Variants in CUEDC1 observed in about 807,000 individuals in gnomAD.
The protein encoded by CUEDC1 is CUE domain containing 1, also known as CUE domain-containing protein 1.
In CUEDC1, 30 loss-of-function variants were observed where a neutral mutation model predicts 43.7. The observed-to-expected ratio is 0.69, with a 90% confidence interval of 0.51 to 0.93. CUEDC1 has a LOEUF of 0.93. Among genes scored for constraint, CUEDC1 ranks in the 40% least tolerant of loss-of-function variants. CUEDC1 has a pLI of 0.00. For synonymous variants in CUEDC1, 223 were observed against 223.6 expected (o/e 1.00, Z 0.02); for missense variants, 486 against 549.0 (o/e 0.89, Z 1.15).
intron 1 of CUEDC1, among the ~76,000 whole-genome samples, chr17:57,922,141 G>GAA (rs35919243): frequency 1.3e-5 from 2 of 152,066 alleles, no homozygotes; most frequent in African/African-American, 4.8e-5. Context: ...CAGATCTGCA[G>GAA]AAAAAGCAGC....
At chr17:57,881,072 C>A (rs767716083) in intron 2 of CUEDC1, among the ~76,000 whole-genome samples, 4 of 152,240 alleles carry the variant, frequency 2.6e-5, no homozygotes, top group African/African-American at 4.8e-5. Flanking sequence ...CTGGGCCAGG[C>A]CTCACTGGTA....
At chr17:57,873,839 T>C (rs2074072077) in intron 3 of CUEDC1, 122 bp from the exon 4 acceptor site, 1 of 1,043,178 alleles carries the variant, frequency 9.6e-7, no homozygotes, top group Admixed American at 3.1e-5. Context: ...TGGCCTCCAC[T>C]GCCTCCAGAA....
intron 1 of CUEDC1, among the ~76,000 whole-genome samples, chr17:57,907,179 A>G (rs896133553): frequency 2.0e-5 from 3 of 152,168 alleles, no homozygotes; most frequent in African/African-American, 7.2e-5. Context: ...AGAGTCACGC[A>G]TGCCACAAGG....
At chr17:57,878,747 A>T (rs1388915834) in intron 3 of CUEDC1, among the ~76,000 whole-genome samples, 1 of 151,906 alleles carries the variant, frequency 6.6e-6, no homozygotes, top group African/African-American at 2.4e-5. Context: ...GCTCACTGCA[A>T]CCTCCGCCTC....
intron 2 of CUEDC1, among the ~76,000 whole-genome samples, chr17:57,881,958 C>T (rs935230418): frequency 6.6e-6 from 1 of 152,186 alleles, no homozygotes; most frequent in Non-Finnish European, 1.5e-5. Flanking sequence ...TGCTGGCCTC[C>T]CTGGCCTCTC....
At chr17:57,874,034 A>C (rs1160971505) in intron 3 of CUEDC1, among the ~76,000 whole-genome samples, 1 of 152,196 alleles carries the variant, frequency 6.6e-6, no homozygotes, top group Non-Finnish European at 1.5e-5. Context: ...ATGTCCCCTA[A>C]AGACAGCAGG....
At chr17:57,952,233 T>G (rs888460449) in intron 1 of CUEDC1, among the ~76,000 whole-genome samples, 8 of 147,954 alleles carry the variant, frequency 5.4e-5, no homozygotes, top group East Asian at 2.0e-4. Context: ...TTTATTTATG[T>G]TTTTTTTTTG....
At chr17:57,879,147 A>G (rs113488363) in intron 3 of CUEDC1, among the ~76,000 whole-genome samples, 1,656 of 152,290 alleles carry the variant, frequency 0.011, 31 homozygotes, top group African/African-American at 0.037. Context: ...CATTCCATCA[A>G]TTACTGATGA....
At chr17:57,921,671 G>A (rs1004965094) in intron 1 of CUEDC1, among the ~76,000 whole-genome samples, 4 of 152,180 alleles carry the variant, frequency 2.6e-5, no homozygotes, top group East Asian at 1.9e-4. Context: ...CTGTCTGGGC[G>A]CAGTGGCTGC....
rs1056673613 is a variant in CUEDC1 at position 57,953,723 on chromosome 17, G to A, written c.-316+1502C>T. ...CTAGTTGGCCTGGCCCAGGAGCTGG[G>A]GATACAGCCCTAGTCATATCAACAT... On this transcript the variant is annotated intron_variant, in intron 1 of 10. Transcript: ENST00000577830. Among the ~76,000 whole-genome samples the A allele has an allele frequency of 2.6e-5, 4 of 152,256 alleles. No individual in the cohort carries two copies. In the East Asian group the frequency reaches 7.7e-4, roughly 29 times the overall value.
At chr17:57,868,472 GGA>G (rs889654615) in intron 7 of CUEDC1, 5 of 565,578 alleles carry the variant, frequency 8.8e-6, no homozygotes, top group African/African-American at 7.5e-5. Flanking sequence ...GGGCAGCACA[GGA>G]CACCCTGAGC....
At chr17:57,896,662 T>C (rs757088828) in intron 1 of CUEDC1, among the ~76,000 whole-genome samples, 6 of 152,094 alleles carry the variant, frequency 3.9e-5, no homozygotes, top group Non-Finnish European at 8.8e-5. Flanking sequence ...TTGATACTCA[T>C]TTATTAATTT....
intron 1 of CUEDC1, among the ~76,000 whole-genome samples, chr17:57,949,112 C>T (rs1244413786): frequency 6.6e-6 from 1 of 152,206 alleles, no homozygotes; most frequent in Non-Finnish European, 1.5e-5. Context: ...TGCTCCCATG[C>T]CAGATCAAAA....
At chr17:57,909,735 G>T (rs2074564287) in intron 1 of CUEDC1, among the ~76,000 whole-genome samples, 1 of 152,242 alleles carries the variant, frequency 6.6e-6, no homozygotes, top group Non-Finnish European at 1.5e-5. Flanking sequence ...CAGGAGGAAG[G>T]ATGTCTTAAC....
rs754174777 is a variant in CUEDC1 at position 57,872,809 on chromosome 17, G to A, written c.638C>T (p.Pro213Leu). 25 of 1,614,044 alleles carry A rather than the reference G, an allele frequency of 1.5e-5. No homozygotes were observed. The highest frequency in any genetic ancestry group is 2.0e-5 in the Non-Finnish European group (24 of 1,180,024). ...TCCGGGCCCTGGCCCAGCCATGGCA[G>A]GTGGACATCCCTCTCCACTCCCAGG... ...PKPGSGEGCP[P>L]AMAGPGPGDQ... The change falls in exon 5 of 11, where the codon CCT becomes CTT. Residue 213 changes from proline (P) to leucine (L), a missense_variant. By Grantham distance (98) the Pro-to-Leu change is moderately conservative. Coordinates refer to ENST00000577830, the MANE Select transcript of CUEDC1 (RefSeq NM_001271875.2).
Position 57,930,523 on chromosome 17 carries a change from C to T in CUEDC1, c.-316+24702G>A, listed in dbSNP as rs918854143. ...AGCTCAGAAGCACTTGCAAACATTG[C>T]GAGGAACGCTACCCACAACCACAGC... On this transcript the variant is annotated intron_variant, in intron 1 of 10. Transcript: ENST00000577830. The surrounding 1 kb of genome is among the most constrained non-coding windows in gnomAD (Gnocchi z 4.2). Among the ~76,000 whole-genome samples, 10 of 152,140 alleles carry T rather than the reference C, an allele frequency of 6.6e-5. No homozygotes were observed. The highest frequency in any genetic ancestry group is 4.4e-5 in the Non-Finnish European group (3 of 68,030).
intron 1 of CUEDC1, among the ~76,000 whole-genome samples, chr17:57,896,487 G>GGGGGGTGTGTGT (rs375270781): frequency 1.1e-4 from 14 of 130,282 alleles, no homozygotes; most frequent in Non-Finnish European, 1.8e-4. Context: ...TGCATTATGG[G>GGGGGGTGTGTGT]GTGTGTGTGT....
intron 1 of CUEDC1, among the ~76,000 whole-genome samples, chr17:57,928,010 T>A (rs1334873040): frequency 6.6e-6 from 1 of 152,182 alleles, no homozygotes; most frequent in African/African-American, 2.4e-5. Flanking sequence ...CCTGTGTATT[T>A]AACCCCTAGT....
At chr17:57,913,100 T>C (rs1598005161) in intron 1 of CUEDC1, among the ~76,000 whole-genome samples, 1 of 151,404 alleles carries the variant, frequency 6.6e-6, no homozygotes, top group Non-Finnish European at 1.5e-5. Context: ...CCGAGGCGGG[T>C]GGATTACCTG....
Sources: allele counts gnomAD v4.1 joint callset (sites outside exome capture counted in the v4.1 genomes callset), GRCh38; gene constraint gnomAD v4.1.1; non-coding constraint Gnocchi (gnomAD v3.1); transcripts MANE v1.5; gene names NCBI Gene and HGNC (gene_info 2026-07-23, HGNC 2026-07-21).